GRIN2B: variants seen among roughly 807,000 people sequenced by gnomAD.
GRIN2B encodes the protein glutamate ionotropic receptor NMDA type subunit 2B.
A neutral mutation model predicts 114.5 loss-of-function variants in GRIN2B; 5 were observed. The ratio of observed to expected loss-of-function variants is 0.04; its 90% confidence interval spans 0.02 to 0.09. The LOEUF (loss-of-function observed/expected upper bound fraction) is 0.09. Ranked by LOEUF, GRIN2B falls within the 10% of genes least tolerant of loss-of-function variation. The pLI is 1.00. For synonymous variants in GRIN2B, 787 were observed against 745.1 expected (o/e 1.06, Z -0.92); for missense variants, 1,108 against 1,943.5 (o/e 0.57, Z 8.08).
intron 2 of GRIN2B, among the ~76,000 whole-genome samples, chr12:13,922,743 TCTC>T (rs1490931419): frequency 6.6e-6 from 1 of 152,158 alleles, no homozygotes; most frequent in East Asian, 1.9e-4. Flanking sequence ...GGGCACCTGA[TCTC>T]CTACTGGTGG....
At chr12:13,789,360 A>G (rs114022915) in intron 3 of GRIN2B, among the ~76,000 whole-genome samples, 1,578 of 152,316 alleles carry the variant, frequency 0.01, 32 homozygotes, top group African/African-American at 0.037. Flanking sequence ...TCCAGCAAAA[A>G]GGTTTCAGAA....
At chr12:13,653,806 A>G (rs1449263717) in intron 5 of GRIN2B, among the ~76,000 whole-genome samples, 1 of 152,082 alleles carries the variant, frequency 6.6e-6, no homozygotes. Context: ...TACATCCACT[A>G]TTTCACATAA....
At chr12:13,791,302 A>T (rs928285935) in intron 3 of GRIN2B, among the ~76,000 whole-genome samples, 4 of 151,952 alleles carry the variant, frequency 2.6e-5, no homozygotes, top group East Asian at 1.9e-4. Flanking sequence ...ATACAAAAAA[A>T]TTAACTGGGT....
chr12:13,774,493 C>T (rs144780634), intron 3 of GRIN2B, among the ~76,000 whole-genome samples: 9 of 152,162 alleles, frequency 5.9e-5, no homozygotes, highest in Non-Finnish European at 1.3e-4. Flanking sequence ...CTAGAAGAGG[C>T]GTTTAATAAT....
At chr12:13,713,069 G>T (rs1950427823) in intron 4 of GRIN2B, among the ~76,000 whole-genome samples, 1 of 151,874 alleles carries the variant, frequency 6.6e-6, no homozygotes, top group Admixed American at 6.6e-5. Context: ...AGATACCAAA[G>T]AATTAAAATA....
intron 3 of GRIN2B, among the ~76,000 whole-genome samples, chr12:13,810,294 C>A (rs961123775): frequency 6.6e-6 from 1 of 151,686 alleles, no homozygotes; most frequent in Non-Finnish European, 1.5e-5. Context: ...TGGCTTACTG[C>A]AACCTCTGAC....
At chr12:13,702,030 C>T (rs915459587) in intron 4 of GRIN2B, among the ~76,000 whole-genome samples, 2 of 152,166 alleles carry the variant, frequency 1.3e-5, no homozygotes, top group East Asian at 1.9e-4. Flanking sequence ...ATAATCTCAG[C>T]AATAACAGAA....
At position 13,547,979 on chromosome 12, in the gene GRIN2B, A is replaced by ATTTTT. The variant is rs1425325795; in HGVS notation, c.*14803_*14804insAAAAA. The ATTTTT allele has an allele frequency of 3.9e-4, 23 of 59,550 alleles. No homozygotes were observed. Among genetic ancestry groups the ATTTTT allele is most frequent in the Non-Finnish European group, 5.9e-4 (16 of 27,334 alleles). 3.7% of individuals were successfully genotyped at this position (59,550 alleles called of 1,614,324 possible). A position where few individuals can be genotyped will look rare whatever the true frequency, so the allele number is the denominator to read the frequency against. On this transcript the variant is annotated 3_prime_UTR_variant, in exon 14 of 14. Coordinates refer to ENST00000609686, the MANE Select transcript of GRIN2B (RefSeq NM_000834.5). ...TGTGTGTATATATATATATATATATATATTTTTTTTTTTTTTCTGAAAGCT... is the reference window on the plus strand; with the variant it reads ...TGTGTGTATATATATATATATATATATTTTTTATTTTTTTTTTTTTTCTGAAAGCT...
Position 13,615,297 on chromosome 12 carries a change from A to C in GRIN2B, c.1501-30T>G. The stretch of plus-strand genomic sequence containing the variant: ...AAGAAAGGCGCGATGCTCCAATTAA[A>C]ACATTCAGGAGGGCAAGGGACCACC... On this transcript the variant is annotated intron_variant, in intron 7 of 13. Coordinates refer to ENST00000609686, the MANE Select transcript of GRIN2B (RefSeq NM_000834.5). This position sits in a 1 kb window ranked among gnomAD's most constrained non-coding sequence, Gnocchi z 5.8. The C allele has an allele frequency of 6.2e-7, 1 of 1,611,836 alleles. No homozygotes were observed. Among genetic ancestry groups the C allele is most frequent in the Non-Finnish European group, 8.5e-7 (1 of 1,177,976 alleles).
chr12:13,865,173 A>C (rs898143800), intron 3 of GRIN2B, among the ~76,000 whole-genome samples: 1 of 152,214 alleles, frequency 6.6e-6, no homozygotes, highest in African/African-American at 2.4e-5. Context: ...AGAATAACAG[A>C]GTATGCCTTT....
intron 4 of GRIN2B, among the ~76,000 whole-genome samples, chr12:13,688,809 T>C (rs1017364991): frequency 6.6e-6 from 1 of 152,204 alleles, no homozygotes; most frequent in African/African-American, 2.4e-5. Flanking sequence ...TTTGGAGCTA[T>C]AGTCAACTCT....
chr12:13,873,819 C>A (rs1017332032), intron 2 of GRIN2B, among the ~76,000 whole-genome samples: 2 of 152,178 alleles, frequency 1.3e-5, no homozygotes, highest in Non-Finnish European at 2.9e-5. Context: ...GGAATTTACT[C>A]ACCTAAATAT....
intron 4 of GRIN2B, among the ~76,000 whole-genome samples, chr12:13,706,290 G>C (rs955020843): frequency 2.6e-5 from 4 of 152,088 alleles, no homozygotes; most frequent in Non-Finnish European, 2.9e-5. Flanking sequence ...GAGAATTAAG[G>C]ACTGAATAGA....
intron 2 of GRIN2B, among the ~76,000 whole-genome samples, chr12:13,951,706 A>G (rs1017024951): frequency 6.6e-6 from 1 of 152,096 alleles, no homozygotes; most frequent in Non-Finnish European, 1.5e-5. Flanking sequence ...ATGATTACCA[A>G]TTTATCTGTT....
intron 4 of GRIN2B, among the ~76,000 whole-genome samples, chr12:13,704,227 G>A (rs961235351): frequency 6.6e-6 from 1 of 152,128 alleles, no homozygotes; most frequent in Non-Finnish European, 1.5e-5. Context: ...GATGCATGAG[G>A]AGGACTTAGC....
rs1950350020 is a variant in GRIN2B at position 13,705,273 on chromosome 12, C to T, written c.1011-29414G>A. Among the ~76,000 whole-genome samples, 4 of 152,208 alleles carry T rather than the reference C, an allele frequency of 2.6e-5. No individual in the cohort carries two copies. The South Asian group carries it at 6.2e-4, about 24-fold the overall frequency. On this transcript the variant is annotated intron_variant, in intron 4 of 13. Transcript: ENST00000609686. Reference sequence around the variant, plus strand: ...AAGCCATTTTATGAGGAAATAAATGCCATATGATCTCACAGTTACTTGTAG... The same window carrying T: ...AAGCCATTTTATGAGGAAATAAATGTCATATGATCTCACAGTTACTTGTAG...
chr12:13,856,549 A>G (rs1376631365), intron 3 of GRIN2B, among the ~76,000 whole-genome samples: 1 of 152,000 alleles, frequency 6.6e-6, no homozygotes, highest in Non-Finnish European at 1.5e-5. Context: ...GTCGGAGGGG[A>G]AGGGAGGGCT....
At chr12:13,928,654 T>C (rs574230169) in intron 2 of GRIN2B, among the ~76,000 whole-genome samples, 3 of 152,302 alleles carry the variant, frequency 2.0e-5, no homozygotes, top group Admixed American at 6.5e-5. Flanking sequence ...CAGGAAGTGA[T>C]AGAAACAGTT....
At chr12:13,899,035 T>C (rs1482234802) in intron 2 of GRIN2B, among the ~76,000 whole-genome samples, 1 of 152,204 alleles carries the variant, frequency 6.6e-6, no homozygotes, top group Non-Finnish European at 1.5e-5. Context: ...TTTCCCCATT[T>C]TACAGATGAG....
Sources: gnomAD v4.1 joint callset for allele counts (sites outside exome capture counted in the v4.1 genomes callset) on GRCh38, gnomAD v4.1.1 for gene constraint, Gnocchi (gnomAD v3.1) non-coding constraint, MANE v1.5 for transcripts, NCBI Gene and HGNC (gene_info 2026-07-23, HGNC 2026-07-21) for gene names.